Variants in ARHGAP42 observed in about 807,000 individuals in gnomAD.
ARHGAP42 encodes the protein rho GTPase-activating protein 42.
In ARHGAP42, 63 loss-of-function variants were observed where a neutral mutation model predicts 125.0. The observed-to-expected ratio is 0.50, with a 90% CI of 0.41 to 0.62. The LOEUF (loss-of-function observed/expected upper bound fraction) is 0.62, where lower values mean the gene tolerates loss of function less well. Ranked by LOEUF, ARHGAP42 falls within the 20% of genes least tolerant of loss-of-function variation. The probability of loss-of-function intolerance (pLI) is 0.00; values close to 1 mark genes in which losing one functional copy is unlikely to be tolerated. For synonymous variants in ARHGAP42, 339 were observed against 351.0 expected (o/e 0.97, Z 0.38); for missense variants, 766 against 1,024.2 (o/e 0.75, Z 3.44).
intron 1 of ARHGAP42, among the ~76,000 whole-genome samples, chr11:100,748,414 G>A (rs1005029886): frequency 1.3e-5 from 2 of 151,578 alleles, no homozygotes; most frequent in African/African-American, 2.4e-5. Flanking sequence ...AGGTCTGGTT[G>A]GACCTTTGTA....
chr11:100,916,962 G>A (rs563370112), intron 5 of ARHGAP42, among the ~76,000 whole-genome samples: 3 of 151,764 alleles, frequency 2.0e-5, no homozygotes, highest in Non-Finnish European at 4.4e-5. Flanking sequence ...CAGGAAAAAA[G>A]CAGATTGTAA....
chr11:100,957,439 A>T (rs1857834549), intron 12 of ARHGAP42, among the ~76,000 whole-genome samples: 1 of 152,070 alleles, frequency 6.6e-6, no homozygotes, highest in Non-Finnish European at 1.5e-5. Context: ...GAACTTGTTT[A>T]TAAAATAATA....
intron 3 of ARHGAP42, among the ~76,000 whole-genome samples, chr11:100,858,366 G>A (rs1024050458): frequency 6.6e-6 from 1 of 151,960 alleles, no homozygotes. Flanking sequence ...TGCTTTCACA[G>A]CATAGGATTT....
rs150666025 is a variant in ARHGAP42, at chr11:100,876,305, G to A, written c.384+16680G>A. Among the ~76,000 whole-genome samples, 777 of 152,116 alleles carry A rather than the reference G, an allele frequency of 5.1e-3. 6 individuals carry two copies. The highest frequency in any genetic ancestry group is 0.018 in the African/African-American group (733 of 41,486). On this transcript the variant is annotated intron_variant, in intron 4 of 23. Transcript: ENST00000298815. ...TTTTACCTTTGAAGAAAATATATAC[G>A]TTCTTAGTTTAGGGCTATAGCTTAG...
At chr11:100,861,457 C>T (rs1865443249) in intron 4 of ARHGAP42, among the ~76,000 whole-genome samples, 1 of 152,144 alleles carries the variant, frequency 6.6e-6, no homozygotes, top group Non-Finnish European at 1.5e-5. Flanking sequence ...ATTCTAGATG[C>T]ATATCATGCA....
intron 4 of ARHGAP42, among the ~76,000 whole-genome samples, chr11:100,885,927 T>A (rs1458447190): frequency 6.6e-6 from 1 of 152,200 alleles, no homozygotes; most frequent in African/African-American, 2.4e-5. Flanking sequence ...AGAGGTGTAC[T>A]GTTTCCCCGT....
At position 100,819,235 on chromosome 11, in the gene ARHGAP42, C is replaced by A. The variant is rs372602899; in HGVS notation, c.312+24069C>A. ...TAGAACGGCTCATCGGAGGAGTCCA[C>A]AGGCAAGTGAGGTTAGTCAGAAGGC... On this transcript the variant is annotated intron_variant, in intron 3 of 23. Coordinates refer to ENST00000298815, the MANE Select transcript of ARHGAP42 (RefSeq NM_152432.4). Among the ~76,000 whole-genome samples, 8 of 152,246 alleles carry A rather than the reference C, an allele frequency of 5.3e-5. No homozygotes were observed. In the East Asian group the frequency reaches 7.7e-4, roughly 15 times the overall value.
intron 17 of ARHGAP42, among the ~76,000 whole-genome samples, chr11:100,966,456 G>A (rs1188280007): frequency 6.6e-6 from 1 of 152,144 alleles, no homozygotes; most frequent in African/African-American, 2.4e-5. Flanking sequence ...TGATGTTGAA[G>A]CTTGAATCCA....
intron 22 of ARHGAP42, among the ~76,000 whole-genome samples, chr11:100,985,378 T>G (rs567028499): frequency 6.6e-6 from 1 of 152,188 alleles, no homozygotes; most frequent in African/African-American, 2.4e-5. Context: ...TATTTCCTTT[T>G]TTTTAGGAAA....
intron 4 of ARHGAP42, among the ~76,000 whole-genome samples, chr11:100,874,897 A>T (rs965130933): frequency 6.6e-6 from 1 of 152,160 alleles, no homozygotes; most frequent in African/African-American, 2.4e-5. Flanking sequence ...AACAGTTCTT[A>T]CTTACCAGCT....
intron 1 of ARHGAP42, among the ~76,000 whole-genome samples, chr11:100,690,042 G>A (rs1255774016): frequency 2.0e-5 from 3 of 152,130 alleles, no homozygotes; most frequent in African/African-American, 7.2e-5. Flanking sequence ...CATGTCCCCT[G>A]GCATAGCTGG....
intron 3 of ARHGAP42, among the ~76,000 whole-genome samples, chr11:100,810,433 T>A (rs565319802): frequency 1.7e-4 from 26 of 152,302 alleles, no homozygotes; most frequent in Non-Finnish European, 2.8e-4. Flanking sequence ...ATTTGGAAAA[T>A]GTGGCCACCG....
chr11:100,865,181 G>A (rs895717334), intron 4 of ARHGAP42, among the ~76,000 whole-genome samples: 2 of 152,138 alleles, frequency 1.3e-5, no homozygotes, highest in East Asian at 1.9e-4. Context: ...TCTGTCCATA[G>A]TAGAGTTTGC....
At chr11:100,784,673 A>C (rs1203878747) in intron 2 of ARHGAP42, among the ~76,000 whole-genome samples, 2 of 152,206 alleles carry the variant, frequency 1.3e-5, no homozygotes, top group Admixed American at 1.3e-4. Flanking sequence ...TCAAAAAAAA[A>C]AAATCCTTAG....
At chr11:100,766,504 A>G (rs1020447572) in intron 1 of ARHGAP42, among the ~76,000 whole-genome samples, 1 of 152,214 alleles carries the variant, frequency 6.6e-6, no homozygotes, top group Non-Finnish European at 1.5e-5. Flanking sequence ...AGGTTTTAGA[A>G]ACAGCTCTTC....
At chr11:100,818,205 T>C (rs1354600106) in intron 3 of ARHGAP42, among the ~76,000 whole-genome samples, 2 of 152,124 alleles carry the variant, frequency 1.3e-5, no homozygotes, top group African/African-American at 4.8e-5. Flanking sequence ...TGTTAGCTTC[T>C]TTGCCTGGAC....
chr11:100,849,242 G>A (rs1865146075), intron 3 of ARHGAP42, among the ~76,000 whole-genome samples: 1 of 152,138 alleles, frequency 6.6e-6, no homozygotes, highest in Non-Finnish European at 1.5e-5. Flanking sequence ...TTCACATGAT[G>A]TAAGACCTCA....
Position 100,926,373 on chromosome 11 carries a change from G to T in ARHGAP42, c.597+4769G>T, listed in dbSNP as rs12420294. ...CTCAGAACCCAAATCTGAAGTCATGGCATAGTACCACTTCCTCAGTGGACA... is the reference window on the plus strand; with the variant it reads ...CTCAGAACCCAAATCTGAAGTCATGTCATAGTACCACTTCCTCAGTGGACA... On this transcript the variant is annotated intron_variant, in intron 6 of 23. Transcript: ENST00000298815. 8.1e-3 allele frequency among the ~76,000 whole-genome samples: 1,232 copies of T among 152,286 alleles called. 42 individuals are homozygous for T. In the East Asian group the frequency reaches 0.091, roughly 11 times the overall value.
Position 100,949,929 on chromosome 11 carries a change from C to T in ARHGAP42, c.1135C>T (p.Pro379Ser). ...MDGKEPIYTL[P>S]AIISKKEEMY... ...CTTTGTTTTTTAGATTTATACTCTG[C>T]CTGCCATTATAAGCAAGAAAGAAGA... Residue 379 changes from proline to serine, a missense_variant, in exon 12 of 24, where the codon CCT (proline) becomes TCT (serine). Pro to Ser is a moderately conservative substitution (Grantham distance 74). Coordinates refer to ENST00000298815, the MANE Select transcript of ARHGAP42 (RefSeq NM_152432.4). 1.4e-6 allele frequency: 2 copies of T among 1,476,030 alleles called. No individual in the cohort carries two copies. Among genetic ancestry groups the T allele is most frequent in the Non-Finnish European group, 1.8e-6 (2 of 1,088,104 alleles). 91.4% of individuals were successfully genotyped at this position (1,476,030 alleles called of 1,614,324 possible). A position where few individuals can be genotyped will look rare whatever the true frequency, so the allele number is the denominator to read the frequency against.
Sources: allele counts gnomAD v4.1 joint callset (sites outside exome capture counted in the v4.1 genomes callset), GRCh38; gene constraint gnomAD v4.1.1; transcripts MANE v1.5; gene names NCBI Gene and HGNC (gene_info 2026-07-23, HGNC 2026-07-21).